The following MCC variants were observed in gnomAD, a reference collection of about 807,000 sequenced individuals.
The protein encoded by MCC is MCC regulator of Wnt signaling pathway, also known as colorectal mutant cancer protein.
A neutral mutation model predicts 116.2 loss-of-function variants in MCC; 90 were observed. That is an observed-to-expected ratio of 0.77 (90% CI 0.65 to 0.92). The LOEUF (loss-of-function observed/expected upper bound fraction) is 0.92. MCC is among the 40% of genes least tolerant of loss of function. The pLI is 0.00. For missense variants in MCC, 1,516 were observed against 1,312.2 expected (o/e 1.16, Z -2.40); for synonymous variants, 578 against 510.5 (o/e 1.13, Z -1.78).
At chr5:113,327,758 T>C (rs1241805015) in intron 3 of MCC, among the ~76,000 whole-genome samples, 1 of 150,434 alleles carries the variant, frequency 6.6e-6, no homozygotes, top group Non-Finnish European at 1.5e-5. Context: ...TTTGGGCTTT[T>C]TAAGTAATAA....
rs376252610 is a variant in MCC, at chr5:113,456,291, G to A, written c.170+31954C>T. ...CTATGACACCAGTCAGACTCTACCA[G>A]GGGAAATTAAATCCTTTTATATGGG... On this transcript the variant is annotated intron_variant, in intron 1 of 18. Transcript: ENST00000408903. Among the ~76,000 whole-genome samples the A allele has an allele frequency of 9.9e-5, 15 of 152,204 alleles. No homozygotes were observed. In the East Asian group the frequency reaches 2.3e-3, roughly 23 times the overall value.
chr5:113,162,649 A>G (rs1212260421), intron 3 of MCC, among the ~76,000 whole-genome samples: 2 of 152,016 alleles, frequency 1.3e-5, no homozygotes, highest in Non-Finnish European at 2.9e-5. Flanking sequence ...GTCAGGCACC[A>G]CCACGTCCAA....
At chr5:113,047,757 A>C (rs996781963) in intron 16 of MCC, among the ~76,000 whole-genome samples, 1 of 151,980 alleles carries the variant, frequency 6.6e-6, no homozygotes, top group Non-Finnish European at 1.5e-5. Flanking sequence ...AATTCTTTAG[A>C]GTCCACAGTT....
chr5:113,322,955 C>T lies in MCC; in HGVS notation c.627+17564G>A, dbSNP rs141660453. 601 of 152,394 alleles carry T rather than the reference C, an allele frequency of 3.9e-3. 1 individual carries two copies. Among genetic ancestry groups the T allele is most frequent in the Non-Finnish European group, 6.7e-3 (455 of 68,082 alleles). 9.4% of individuals were successfully genotyped at this position (152,394 alleles called of 1,614,324 possible). On this transcript the variant is annotated intron_variant, in intron 3 of 18. Transcript: ENST00000408903. ...ATAGGATACTGCATAAATGACAGTG[C>T]GTGACTTCTGAGGCTAGGTCATAAA...
intron 1 of MCC, among the ~76,000 whole-genome samples, chr5:113,414,814 G>A (rs1331548338): frequency 2.0e-5 from 3 of 152,176 alleles, no homozygotes; most frequent in African/African-American, 7.2e-5. Flanking sequence ...ACATTATGAT[G>A]TCAGTTGCTT....
intron 1 of MCC, among the ~76,000 whole-genome samples, chr5:113,467,499 T>C (rs568096057): frequency 9.8e-4 from 150 of 152,310 alleles, no homozygotes; most frequent in Non-Finnish European, 1.7e-3. Flanking sequence ...GTTGTAGATA[T>C]GCAGCATTAT....
intron 3 of MCC, among the ~76,000 whole-genome samples, chr5:113,228,145 A>G (rs1763814357): frequency 6.6e-6 from 1 of 152,174 alleles, no homozygotes; most frequent in Admixed American, 6.5e-5. Context: ...AAAACCCTTA[A>G]ACATTCTGAA....
intron 1 of MCC, among the ~76,000 whole-genome samples, chr5:113,387,765 T>C (rs1468328113): frequency 6.6e-6 from 1 of 152,216 alleles, no homozygotes; most frequent in Non-Finnish European, 1.5e-5. Flanking sequence ...AGGGCTGCTC[T>C]GAAAAGAAAT....
At chr5:113,141,031 G>T (rs1759149157) in intron 5 of MCC, among the ~76,000 whole-genome samples, 1 of 152,204 alleles carries the variant, frequency 6.6e-6, no homozygotes, top group Admixed American at 6.5e-5. Flanking sequence ...TGGACTCGGG[G>T]AAGATCCACC....
At chr5:113,449,900 T>C (rs1348573403) in intron 1 of MCC, among the ~76,000 whole-genome samples, 4 of 152,250 alleles carry the variant, frequency 2.6e-5, no homozygotes, top group Non-Finnish European at 5.9e-5. Flanking sequence ...TATAGTCCTA[T>C]GTAGGTGAAG....
At chr5:113,334,538 A>T (rs11948072) in intron 3 of MCC, among the ~76,000 whole-genome samples, 84,497 of 148,496 alleles carry the variant, frequency 0.57, 25,723 homozygotes, top group African/African-American at 0.75. Context: ...ACACATTTTT[A>T]AAAAATCAGT....
At chr5:113,367,115 A>G (rs2150387471) in intron 2 of MCC, among the ~76,000 whole-genome samples, 1 of 152,306 alleles carries the variant, frequency 6.6e-6, no homozygotes, top group Non-Finnish European at 1.5e-5. Flanking sequence ...TTCAGCTTTT[A>G]AAGTTATTTT....
At position 113,297,882 on chromosome 5, in the gene MCC, T is replaced by G. The variant is rs190751242; in HGVS notation, c.627+42637A>C. 2.0e-5 allele frequency among the ~76,000 whole-genome samples: 3 copies of G among 151,788 alleles called. No individual in the cohort carries two copies. In the East Asian group the frequency reaches 5.8e-4, roughly 29 times the overall value. ...CTTGTAGATCTAGAACTTGGCTGAT[T>G]GGGGTTAAGGTAATGTCCTCAACAA... On this transcript the variant is annotated intron_variant, in intron 3 of 18. Transcript: ENST00000408903.
chr5:113,032,408 CA>C (rs376957827), intron 17 of MCC, among the ~76,000 whole-genome samples: 4,346 of 63,344 alleles, frequency 0.069, 107 homozygotes, highest in African/African-American at 0.16. Context: ...AACTCTGTAT[CA>C]AAAAAAAAAA....
At chr5:113,288,711 G>A (rs1766357173) in intron 3 of MCC, among the ~76,000 whole-genome samples, 1 of 152,190 alleles carries the variant, frequency 6.6e-6, no homozygotes, top group Non-Finnish European at 1.5e-5. Context: ...AAAGCTGAGG[G>A]CAGTAACAGA....
intron 1 of MCC, among the ~76,000 whole-genome samples, chr5:113,461,247 C>A (rs1351571956): frequency 6.6e-6 from 1 of 151,984 alleles, no homozygotes; most frequent in Admixed American, 6.6e-5. Context: ...GGCAACAGAC[C>A]AAGACCCTGA....
At chr5:113,466,285 A>G in intron 1 of MCC, among the ~76,000 whole-genome samples, 1 of 150,102 alleles carries the variant, frequency 6.7e-6, no homozygotes, top group African/African-American at 2.4e-5. Flanking sequence ...TGCACCCACC[A>G]ACTCGTCATT....
intron 16 of MCC, chr5:113,048,794 T>G: frequency 2.0e-6 from 1 of 493,462 alleles, no homozygotes; most frequent in Non-Finnish European, 3.6e-6. Context: ...TGACAGAGGA[T>G]TAGACGAAGG....
chr5:113,426,225 C>T (rs999784757), intron 1 of MCC, among the ~76,000 whole-genome samples: 3 of 152,142 alleles, frequency 2.0e-5, no homozygotes, highest in Admixed American at 6.5e-5. Flanking sequence ...TCCCTCTGGC[C>T]TGAGATAAGG....
Sources: gnomAD v4.1 joint callset for allele counts (sites outside exome capture counted in the v4.1 genomes callset) on GRCh38, gnomAD v4.1.1 for gene constraint, MANE v1.5 for transcripts, NCBI Gene and HGNC (gene_info 2026-07-23, HGNC 2026-07-21) for gene names.